RTF1: variants seen among roughly 807,000 people sequenced by gnomAD.
RTF1 encodes RTF1 homolog, Paf1/RNA polymerase II complex component.
RTF1 carries 10 observed loss-of-function variants against 95.7 expected under a neutral mutation model. The observed-to-expected ratio is 0.10, with a 90% CI of 0.06 to 0.18. The LOEUF is 0.18. Ranked by LOEUF, RTF1 falls within the 10% of genes least tolerant of loss-of-function variation. The pLI is 1.00. For missense variants in RTF1, 458 were observed against 875.6 expected (o/e 0.52, Z 6.02); for synonymous variants, 305 against 311.8 (o/e 0.98, Z 0.23).
At chr15:41,436,777 G>C (rs913265677) in intron 1 of RTF1, among the ~76,000 whole-genome samples, 6 of 152,018 alleles carry the variant, frequency 3.9e-5, no homozygotes, top group Non-Finnish European at 7.4e-5. Context: ...CTGGGCAACA[G>C]AGTGAGTCTC....
At chr15:41,427,463 TA>T (rs1273066305) in intron 1 of RTF1, among the ~76,000 whole-genome samples, 1 of 152,170 alleles carries the variant, frequency 6.6e-6, no homozygotes, top group Non-Finnish European at 1.5e-5. Flanking sequence ...ACAAAATTTT[TA>T]AAAAATTAGC....
chr15:41,453,963 C>T (rs988522841), intron 3 of RTF1, among the ~76,000 whole-genome samples: 1 of 152,162 alleles, frequency 6.6e-6, no homozygotes, highest in Non-Finnish European at 1.5e-5. Flanking sequence ...TGTTAAATTG[C>T]TGACTTAGTT....
chr15:41,419,892 T>G (rs1015705345), intron 1 of RTF1, among the ~76,000 whole-genome samples: 13 of 152,174 alleles, frequency 8.5e-5, no homozygotes, highest in Non-Finnish European at 1.8e-4. Flanking sequence ...CAATCTCAAC[T>G]CACTGCAACC....
rs896642384 is a variant in RTF1, at chr15:41,470,338, C to A, written c.971C>A (p.Ser324Tyr). The A allele has an allele frequency of 2.2e-5, 36 of 1,613,892 alleles. No homozygotes were observed. Among genetic ancestry groups the A allele is most frequent in the Non-Finnish European group, 2.9e-5 (34 of 1,180,006 alleles). Residue 324 changes from serine to tyrosine, a missense_variant, in exon 7 of 18, where the codon TCC (serine) becomes TAC (tyrosine). Ser to Tyr is a moderately radical substitution (Grantham distance 144, BLOSUM62 -2). Coordinates refer to ENST00000389629, the MANE Select transcript of RTF1 (RefSeq NM_015138.5). Reference sequence around the variant, plus strand: ...GAAGAGGAGGAAGAGGATGACAAATCCAGTGAAAAGTCAGACCGCTCATCA... The same window carrying A: ...GAAGAGGAGGAAGAGGATGACAAATACAGTGAAAAGTCAGACCGCTCATCA... Reference protein sequence around the residue: ...DDEEEEEDDKSSEKSDRSSRT... With the variant: ...DDEEEEEDDKYSEKSDRSSRT...
chr15:41,479,528 A>G (rs578243372), intron 16 of RTF1, among the ~76,000 whole-genome samples: 1 of 152,166 alleles, frequency 6.6e-6, no homozygotes, highest in Non-Finnish European at 1.5e-5. Context: ...AAGATCAGAC[A>G]TTGTAAAAGT....
intron 9 of RTF1, 118 bp from the exon 10 acceptor site, chr15:41,475,407 A>G: frequency 1.3e-6 from 1 of 746,024 alleles, no homozygotes; most frequent in East Asian, 2.6e-5. Flanking sequence ...TAGGGTAGCT[A>G]GGATTGAGAA....
intron 2 of RTF1, chr15:41,440,178 T>C (rs757780352): frequency 7.9e-5 from 12 of 150,986 alleles, no homozygotes; most frequent in Non-Finnish European, 1.8e-4. Context: ...ACTGTAGTGA[T>C]AATTTCTTTC....
chr15:41,435,797 A>G (rs948700274), intron 1 of RTF1, among the ~76,000 whole-genome samples: 1 of 152,232 alleles, frequency 6.6e-6, no homozygotes, highest in East Asian at 1.9e-4. Context: ...CACTTGATCC[A>G]TAATTGTATA....
rs1397534789 is a variant in RTF1, at chr15:41,481,927, A to G, written c.*1240A>G. On this transcript the variant is annotated 3_prime_UTR_variant, in exon 18 of 18. Coordinates refer to ENST00000389629, the MANE Select transcript of RTF1 (RefSeq NM_015138.5). ...AAACCCCATCTCTACTAAAACTACA[A>G]AACTTAGCCGGGCATGGTGGTGCGT... is the stretch of plus-strand genomic sequence containing the variant. The G allele has an allele frequency of 6.6e-6, 1 of 152,194 alleles. No individual in the cohort carries two copies. The highest frequency in any genetic ancestry group is 1.9e-4 in the East Asian group (1 of 5,198). The allele number at this position is 152,194 out of a possible 1,614,324, so 9.4% of individuals were successfully genotyped here.
At chr15:41,442,843 T>G (rs372023973) in intron 2 of RTF1, among the ~76,000 whole-genome samples, 76 of 152,174 alleles carry the variant, frequency 5.0e-4, no homozygotes, top group African/African-American at 1.8e-3. Context: ...CCGAGAACGC[T>G]CCACTATATT....
At chr15:41,437,223 T>TG (rs1486458000) in intron 1 of RTF1, among the ~76,000 whole-genome samples, 1 of 151,824 alleles carries the variant, frequency 6.6e-6, no homozygotes, top group East Asian at 1.9e-4. Flanking sequence ...GGGCCGGGTG[T>TG]GGGGGCTCAC....
chr15:41,421,563 T>C (rs538218817), intron 1 of RTF1, among the ~76,000 whole-genome samples: 1 of 151,138 alleles, frequency 6.6e-6, no homozygotes, highest in Non-Finnish European at 1.5e-5. Flanking sequence ...CCTGGGAGGT[T>C]GAAGTTGCAG....
chr15:41,470,348 G>A lies in RTF1; in HGVS notation c.981G>A (p.Lys327=), dbSNP rs1326965142. 5.0e-6 allele frequency: 8 copies of A among 1,614,024 alleles called. No individual in the cohort carries two copies. ...EEEEDDKSSE[K]SDRSSRTSSS... ...AAGAGGATGACAAATCCAGTGAAAA[G>A]TCAGACCGCTCATCACGAACATCAT... Residue 327 remains lysine, a synonymous_variant, in exon 7 of 18, where the codon AAG becomes AAA. Coordinates refer to ENST00000389629, the MANE Select transcript of RTF1 (RefSeq NM_015138.5).
chr15:41,464,668 ATATC>A, intron 4 of RTF1, 99 bp from the exon 5 acceptor site: 1 of 984,044 alleles, frequency 1.0e-6, no homozygotes, highest in Non-Finnish European at 1.5e-6. Context: ...GAAAGCCAAA[ATATC>A]TATTAGCTCC....
chr15:41,441,912 T>C (rs1024791845), intron 2 of RTF1, among the ~76,000 whole-genome samples: 2 of 152,212 alleles, frequency 1.3e-5, no homozygotes, highest in African/African-American at 4.8e-5. Context: ...GTTTCCATCA[T>C]GTCTCTTTGG....
At chr15:41,435,233 T>A (rs1170369839) in intron 1 of RTF1, among the ~76,000 whole-genome samples, 2 of 152,158 alleles carry the variant, frequency 1.3e-5, no homozygotes, top group African/African-American at 4.8e-5. Context: ...CTTCTCTGTA[T>A]CAGAGAAGAT....
chr15:41,435,249 T>C (rs1287507314), intron 1 of RTF1, among the ~76,000 whole-genome samples: 1 of 152,146 alleles, frequency 6.6e-6, no homozygotes, highest in Admixed American at 6.6e-5. Context: ...AAGATAAAGA[T>C]CTTGACTGTG....
At chr15:41,425,307 T>C (rs1438889266) in intron 1 of RTF1, among the ~76,000 whole-genome samples, 3 of 152,056 alleles carry the variant, frequency 2.0e-5, no homozygotes, top group Non-Finnish European at 4.4e-5. Flanking sequence ...GGTTTCACCA[T>C]GTTAGCCAGG....
chr15:41,443,466 T>G (rs2050745574), intron 2 of RTF1, among the ~76,000 whole-genome samples: 2 of 152,166 alleles, frequency 1.3e-5, no homozygotes, highest in Non-Finnish European at 2.9e-5. Context: ...TGTGGCACTT[T>G]GATGCTGTCA....
Sources: gnomAD v4.1 joint callset for allele counts (sites outside exome capture counted in the v4.1 genomes callset) on GRCh38, gnomAD v4.1.1 for gene constraint, MANE v1.5 for transcripts, NCBI Gene and HGNC (gene_info 2026-07-23, HGNC 2026-07-21) for gene names.